FRMD4B: variants seen among roughly 807,000 people sequenced by gnomAD.
The protein encoded by FRMD4B is FERM domain containing 4B, also known as FERM domain-containing protein 4B.
A neutral mutation model predicts 141.5 loss-of-function variants in FRMD4B; 74 were observed. The ratio of observed to expected loss-of-function variants is 0.52; its 90% confidence interval spans 0.43 to 0.63. The LOEUF (loss-of-function observed/expected upper bound fraction) is 0.63, where lower values mean the gene tolerates loss of function less well. FRMD4B is among the 30% of genes least tolerant of loss of function. FRMD4B has a pLI of 0.00. For missense variants in FRMD4B, 1,366 were observed against 1,253.4 expected, an observed-to-expected ratio of 1.09 and a Z score of -1.36; for synonymous variants, 506 against 467.9, an observed-to-expected ratio of 1.08 and a Z score of -1.05.
intron 5 of FRMD4B, among the ~76,000 whole-genome samples, chr3:69,272,812 G>A (rs758366570): frequency 6.6e-6 from 1 of 152,194 alleles, no homozygotes; most frequent in African/African-American, 2.4e-5. Flanking sequence ...ATTGCACTGA[G>A]ACTAATCCTC....
At chr3:69,436,965 C>T (rs758697743) in intron 1 of FRMD4B, among the ~76,000 whole-genome samples, 13 of 152,096 alleles carry the variant, frequency 8.5e-5, no homozygotes, top group Non-Finnish European at 1.3e-4. Context: ...GCAGAGTTTA[C>T]AAGAGGCTGG....
At chr3:69,332,428 G>A (rs752753430) in intron 1 of FRMD4B, among the ~76,000 whole-genome samples, 1 of 152,178 alleles carries the variant, frequency 6.6e-6, no homozygotes, top group Non-Finnish European at 1.5e-5. Flanking sequence ...TACTCAGAGA[G>A]GGCACATGCC....
chr3:69,243,294 CAA>C (rs1481495977), intron 7 of FRMD4B, among the ~76,000 whole-genome samples: 1 of 151,052 alleles, frequency 6.6e-6, no homozygotes, highest in East Asian at 1.9e-4. Flanking sequence ...CGGCAGGAAA[CAA>C]AATAAAAAGG....
chr3:69,458,214 C>A (rs369661039), intron 1 of FRMD4B, among the ~76,000 whole-genome samples: 1 of 152,156 alleles, frequency 6.6e-6, no homozygotes, highest in African/African-American at 2.4e-5. Context: ...TCAAATAGAG[C>A]TCATTAGCTT....
chr3:69,501,258 A>G (rs1192466197), intron 1 of FRMD4B, among the ~76,000 whole-genome samples: 1 of 138,354 alleles, frequency 7.2e-6, no homozygotes, highest in Non-Finnish European at 1.5e-5. Flanking sequence ...TTAGCTAATC[A>G]GCTATCCTTA....
chr3:69,455,497 G>A (rs1056100281), intron 1 of FRMD4B, among the ~76,000 whole-genome samples: 1 of 152,164 alleles, frequency 6.6e-6, no homozygotes, highest in African/African-American at 2.4e-5. Flanking sequence ...CACCGTGAAG[G>A]TCTGCAGCTT....
rs140202368 is a variant in FRMD4B, at chr3:69,169,353, CTTT to C, written c.*2505_*2507del. The stretch of plus-strand genomic sequence containing the variant: ...AGGATTGCTGAACTTCCATTTCTTT[CTTT>C]TTTTTTTTTTTTTTTTTTTCTTGAG... On this transcript the variant is annotated 3_prime_UTR_variant, in exon 23 of 23. Transcript: ENST00000398540. Among the ~76,000 whole-genome samples the C allele has an allele frequency of 4.1e-4, 12 of 29,282 alleles. No homozygotes were observed. Among genetic ancestry groups the C allele is most frequent in the African/African-American group, 7.7e-4 (12 of 15,666 alleles). 19.2% of individuals were successfully genotyped at this position (29,282 alleles called of 152,430 possible).
chr3:69,523,640 C>A (rs1700887409), intron 1 of FRMD4B, among the ~76,000 whole-genome samples: 1 of 152,138 alleles, frequency 6.6e-6, no homozygotes, highest in Non-Finnish European at 1.5e-5. Context: ...AGAAGTGTCA[C>A]AGAGCCATAT....
intron 1 of FRMD4B, among the ~76,000 whole-genome samples, chr3:69,314,174 G>A (rs1388106031): frequency 0.06 from 985 of 16,292 alleles, no homozygotes; most frequent in East Asian, 0.15. Flanking sequence ...AAAAAAAAAA[G>A]CCTCTCCATC....
chr3:69,491,496 G>T (rs1045526139), intron 1 of FRMD4B, among the ~76,000 whole-genome samples: 1 of 152,114 alleles, frequency 6.6e-6, no homozygotes, highest in Non-Finnish European at 1.5e-5. Flanking sequence ...CAAAGAAAAT[G>T]ACACCTATTT....
chr3:69,540,636 A>AAAAAAAAATATATAT (rs1553652109), intron 1 of FRMD4B, among the ~76,000 whole-genome samples: 1 of 69,568 alleles, frequency 1.4e-5, no homozygotes, highest in African/African-American at 8.3e-5. Flanking sequence ...AAAAAAAAAA[A>AAAAAAAAATATATAT]ATATATATAT....
intron 1 of FRMD4B, among the ~76,000 whole-genome samples, chr3:69,378,776 C>G (rs1193367059): frequency 1.3e-5 from 2 of 152,018 alleles, no homozygotes; most frequent in Non-Finnish European, 1.5e-5. Context: ...ATCAAAATCT[C>G]TCTGTCTTTG....
upstream of FRMD4B, among the ~76,000 whole-genome samples, chr3:69,390,019 C>T (rs76985165): frequency 8.5e-3 from 1,286 of 151,978 alleles, 32 homozygotes; most frequent in East Asian, 0.091. Context: ...GAAGATGCTT[C>T]GGGTGGCAGC....
At chr3:69,528,792 T>C (rs953809836) in intron 1 of FRMD4B, among the ~76,000 whole-genome samples, 3 of 146,498 alleles carry the variant, frequency 2.0e-5, no homozygotes, top group Admixed American at 2.0e-4. Flanking sequence ...ACAAGAAAGA[T>C]AAGGCCACCA....
chr3:69,226,781 A>T (rs2093258748), intron 7 of FRMD4B, among the ~76,000 whole-genome samples: 1 of 152,210 alleles, frequency 6.6e-6, no homozygotes, highest in Non-Finnish European at 1.5e-5. Context: ...ACTCATACAA[A>T]TGCAGTCAGC....
intron 4 of FRMD4B, among the ~76,000 whole-genome samples, chr3:69,290,888 C>T (rs948210485): frequency 6.6e-6 from 1 of 152,132 alleles, no homozygotes; most frequent in African/African-American, 2.4e-5. Context: ...CCTGGGCTGC[C>T]GCTCCCAGTT....
intron 20 of FRMD4B, among the ~76,000 whole-genome samples, chr3:69,182,357 T>C (rs2107599057): frequency 6.6e-6 from 1 of 152,328 alleles, no homozygotes; most frequent in East Asian, 1.9e-4. Context: ...CATTGAATAA[T>C]GAATGGTAAT....
intron 1 of FRMD4B, among the ~76,000 whole-genome samples, chr3:69,532,265 T>C (rs919544805): frequency 6.6e-6 from 1 of 152,252 alleles, no homozygotes; most frequent in African/African-American, 2.4e-5. Context: ...AAAGGTTATT[T>C]GATATGACAA....
At chr3:69,254,620 T>C (rs2093481939) in intron 5 of FRMD4B, among the ~76,000 whole-genome samples, 2 of 152,092 alleles carry the variant, frequency 1.3e-5, no homozygotes, top group African/African-American at 4.8e-5. Flanking sequence ...TCATAAGGTA[T>C]GCATGGAGGA....
Sources: gnomAD v4.1 joint callset for allele counts (sites outside exome capture counted in the v4.1 genomes callset) on GRCh38, gnomAD v4.1.1 for gene constraint, MANE v1.5 for transcripts, NCBI Gene and HGNC (gene_info 2026-07-23, HGNC 2026-07-21) for gene names.